The following ACACA variants were observed in gnomAD, a reference collection of about 807,000 sequenced individuals.
ACACA encodes acetyl-CoA carboxylase alpha.
In ACACA, 103 loss-of-function variants were observed where a neutral mutation model predicts 296.1. The observed-to-expected ratio is 0.35, with a 90% CI of 0.30 to 0.41. The LOEUF (loss-of-function observed/expected upper bound fraction) is 0.41. Among genes scored for constraint, ACACA ranks in the 10% least tolerant of loss-of-function variants. The probability of loss-of-function intolerance (pLI) is 1.00; values close to 1 mark genes in which losing one functional copy is unlikely to be tolerated. For synonymous variants in ACACA, 953 were observed against 1,038.6 expected (o/e 0.92, Z 1.58); for missense variants, 1,554 against 2,989.7 (o/e 0.52, Z 11.20).
At chr17:37,381,618 T>C in intron 1 of ACACA, among the ~76,000 whole-genome samples, 1 of 150,768 alleles carries the variant, frequency 6.6e-6, no homozygotes, top group Middle Eastern at 3.4e-3. Flanking sequence ...GTATGTCTCT[T>C]CCATAGTCTT....
At chr17:37,331,147 T>G (rs1361162331) in intron 2 of ACACA, among the ~76,000 whole-genome samples, 6 of 151,430 alleles carry the variant, frequency 4.0e-5, no homozygotes, top group African/African-American at 1.2e-4. Flanking sequence ...AGACGGAGTC[T>G]CGCTCTGTTG....
intron 1 of ACACA, among the ~76,000 whole-genome samples, chr17:37,343,872 G>C (rs1383334142): frequency 6.6e-6 from 1 of 151,396 alleles, no homozygotes. Context: ...ATTCATAAAA[G>C]GATTACAGAA....
chr17:37,184,219 C>A (rs911633982), intron 39 of ACACA, among the ~76,000 whole-genome samples: 3 of 152,112 alleles, frequency 2.0e-5, no homozygotes, highest in Admixed American at 1.3e-4. Flanking sequence ...TCACACAAAT[C>A]GTTGTAAACT....
At chr17:37,379,169 A>C in intron 1 of ACACA, 8 of 1,613,972 alleles carry the variant, frequency 5.0e-6, no homozygotes, top group Non-Finnish European at 6.8e-6. Context: ...GACAACATTC[A>C]TTCAAAACCG....
chr17:37,327,115 C>T (rs192373310), intron 3 of ACACA, among the ~76,000 whole-genome samples: 2 of 152,248 alleles, frequency 1.3e-5, no homozygotes, highest in East Asian at 3.9e-4. Context: ...TTAGGCTATT[C>T]GTTCTAAGAG....
intron 45 of ACACA, among the ~76,000 whole-genome samples, chr17:37,133,324 G>A (rs144263566): frequency 5.3e-5 from 8 of 152,200 alleles, no homozygotes; most frequent in African/African-American, 1.2e-4. Context: ...TGGAGTATGC[G>A]CCAGTAGAAT....
In ACACA at chr17:37,270,845, C is replaced by A; in HGVS notation, c.1025G>T (p.Gly342Val). The A allele has an allele frequency of 6.2e-7, 1 of 1,613,416 alleles. No individual in the cohort carries two copies. The highest frequency in any genetic ancestry group is 8.5e-7 in the Non-Finnish European group (1 of 1,179,764). ...DDGLQAAEEV[G>V]YPVMIKASEG... ...TGAGGCCTTGATCATTACTGGATAT[C>A]CAACTTCCTCAGCTGCCTTCAAAAA... Residue 342 changes from glycine to valine, a missense_variant, in exon 10 of 56, where the codon GGA (glycine) becomes GTA (valine). Coordinates refer to ENST00000616317, the MANE Select transcript of ACACA (RefSeq NM_198834.3).
chr17:37,220,716 C>T lies in ACACA; in HGVS notation c.3683+1008G>A, dbSNP rs183426992. On this transcript the variant is annotated intron_variant, in intron 29 of 55. Coordinates refer to ENST00000616317, the MANE Select transcript of ACACA (RefSeq NM_198834.3). Reference sequence around the variant, plus strand: ...GGTACTTTTTCTGAAGATGCCTCTGCTCATCTGCCGACCTCTGCTGGATCA... The same window carrying T: ...GGTACTTTTTCTGAAGATGCCTCTGTTCATCTGCCGACCTCTGCTGGATCA... 3.9e-5 allele frequency among the ~76,000 whole-genome samples: 6 copies of T among 152,304 alleles called. No individual in the cohort carries two copies. The East Asian group carries it at 1.2e-3, about 29-fold the overall frequency.
rs752108139 is a variant in ACACA, at chr17:37,225,067, G to A, written c.3399C>T (p.Arg1133=). The A allele has an allele frequency of 1.1e-5, 18 of 1,613,014 alleles. No individual in the cohort carries two copies. Among genetic ancestry groups the A allele is most frequent in the Non-Finnish European group, 1.4e-5 (16 of 1,179,450 alleles). ...GGAAGATAGACTCTACTTGGTTATG[G>A]CGAAGCTCATATGATGGCAAATGGG... ...IASHLPSYEL[R]HNQVESIFLS... Residue 1133 remains arginine (R), a synonymous_variant, in exon 27 of 56, where the codon CGC becomes CGT. Transcript: ENST00000616317.
intron 2 of ACACA, among the ~76,000 whole-genome samples, chr17:37,332,456 T>C (rs2047926810): frequency 6.6e-6 from 1 of 152,082 alleles, no homozygotes; most frequent in Non-Finnish European, 1.5e-5. Context: ...AAATAGCTTG[T>C]ACCCAGATCA....
At position 37,315,742 on chromosome 17, in the gene ACACA, C is replaced by A. The variant is rs371978213; in HGVS notation, c.338+14431G>T. ...GGGGAAGGGGCACAGAACTTCCAAA[C>A]CTTCCTCCAGGCATACAGCTCTACC... is the stretch of plus-strand genomic sequence containing the variant. On this transcript the variant is annotated intron_variant, in intron 3 of 55. Coordinates refer to ENST00000616317, the MANE Select transcript of ACACA (RefSeq NM_198834.3). Among the ~76,000 whole-genome samples, 11 of 152,272 alleles carry A rather than the reference C, an allele frequency of 7.2e-5. No individual in the cohort carries two copies. In the East Asian group the frequency reaches 1.5e-3, roughly 21 times the overall value.
At chr17:37,287,569 TA>T (rs1170331801) in intron 3 of ACACA, among the ~76,000 whole-genome samples, 117 of 69,892 alleles carry the variant, frequency 1.7e-3, no homozygotes, top group Middle Eastern at 7.4e-3. Context: ...ACGTCTCTAC[TA>T]AAAAAAAAAA....
chr17:37,359,009 C>CA lies in ACACA; in HGVS notation c.39-19160dup, dbSNP rs1434233036. 1.9e-5 allele frequency: 19 copies of CA among 985,700 alleles called. No homozygotes were observed. In the East Asian group the frequency reaches 2.0e-3, roughly 106 times the overall value. The allele number at this position is 985,700 out of a possible 1,614,324, so 61.1% of individuals were successfully genotyped here. On this transcript the variant is annotated intron_variant, in intron 1 of 55. Transcript: ENST00000616317. ...CGGCCCTCACCTCACCTCAGGGTGGCAACGTGTGCGGTCGGGCGATTCCGG... is the reference window on the plus strand; with the variant it reads ...CGGCCCTCACCTCACCTCAGGGTGGCAAACGTGTGCGGTCGGGCGATTCCGG...
At chr17:37,150,631 G>A (rs1051314196) in intron 44 of ACACA, among the ~76,000 whole-genome samples, 6 of 151,880 alleles carry the variant, frequency 4.0e-5, no homozygotes, top group Non-Finnish European at 7.4e-5. Flanking sequence ...GCACATGCCT[G>A]TAGTCCTAGC....
intron 22 of ACACA, among the ~76,000 whole-genome samples, chr17:37,242,468 C>T (rs774949952): frequency 2.0e-5 from 3 of 152,156 alleles, no homozygotes; most frequent in Admixed American, 1.3e-4. Flanking sequence ...TGGCTCACAC[C>T]TGTAACCTCA....
chr17:37,299,228 C>T (rs902083252), intron 3 of ACACA: 1 of 1,564,478 alleles, frequency 6.4e-7, no homozygotes, highest in Non-Finnish European at 8.8e-7. Context: ...CAGTACCTTA[C>T]TGTTTTTTTA....
At chr17:37,301,314 C>T (rs757323809) in intron 3 of ACACA, 1 of 907,140 alleles carries the variant, frequency 1.1e-6, no homozygotes, top group Non-Finnish European at 1.3e-6. Context: ...AAGCCACATT[C>T]ATTTCTCCAA....
chr17:37,218,678 G>C (rs538432476), intron 29 of ACACA, among the ~76,000 whole-genome samples: 1 of 152,300 alleles, frequency 6.6e-6, no homozygotes, highest in East Asian at 1.9e-4. Flanking sequence ...CATTAATCTA[G>C]AGGTTAGTGG....
chr17:37,125,829 G>A, intron 47 of ACACA, 35 bp from the exon 48 acceptor site: 1 of 1,543,640 alleles, frequency 6.5e-7, no homozygotes, highest in African/African-American at 1.4e-5. Flanking sequence ...AGAGAATAAG[G>A]ACAGTGAATC....
Sources: gnomAD v4.1 joint callset for allele counts (sites outside exome capture counted in the v4.1 genomes callset) on GRCh38, gnomAD v4.1.1 for gene constraint, MANE v1.5 for transcripts, NCBI Gene and HGNC (gene_info 2026-07-23, HGNC 2026-07-21) for gene names.